SLC24A3: variants seen among roughly 807,000 people sequenced by gnomAD.
The protein encoded by SLC24A3 is solute carrier family 24 member 3.
A neutral mutation model predicts 75.8 loss-of-function variants in SLC24A3; 28 were observed. That is an observed-to-expected ratio of 0.37 (90% CI 0.27 to 0.51). The LOEUF is 0.51. Among genes scored for constraint, SLC24A3 ranks in the 20% least tolerant of loss-of-function variants. The pLI is 0.94. For synonymous variants in SLC24A3, 372 were observed against 334.1 expected (o/e 1.11, Z -1.24); for missense variants, 663 against 847.8 (o/e 0.78, Z 2.71).
At chr20:19,620,901 T>G (rs1228329451) in intron 6 of SLC24A3, among the ~76,000 whole-genome samples, 2 of 152,198 alleles carry the variant, frequency 1.3e-5, no homozygotes, top group Non-Finnish European at 2.9e-5. Flanking sequence ...CCCAGACATT[T>G]TTCAAGGGAC....
intron 1 of SLC24A3, among the ~76,000 whole-genome samples, chr20:19,268,452 A>G (rs769124828): frequency 5.3e-5 from 8 of 152,212 alleles, no homozygotes; most frequent in Non-Finnish European, 1.0e-4. Flanking sequence ...TTATTCTACC[A>G]TAGATTTAAT....
At chr20:19,460,446 CTCA>C (rs386813100) in intron 2 of SLC24A3, among the ~76,000 whole-genome samples, 1 of 151,568 alleles carries the variant, frequency 6.6e-6, no homozygotes, top group East Asian at 1.9e-4. Flanking sequence ...GCAGGATTCT[CTCA>C]CAGCTGAGTC....
intron 2 of SLC24A3, among the ~76,000 whole-genome samples, chr20:19,381,741 C>A (rs1019072490): frequency 1.3e-5 from 2 of 152,194 alleles, no homozygotes; most frequent in South Asian, 4.1e-4. Context: ...GTTAGGTGAG[C>A]AGCTATTTAT....
chr20:19,386,684 T>C (rs1269405900), intron 2 of SLC24A3, among the ~76,000 whole-genome samples: 1 of 152,196 alleles, frequency 6.6e-6, no homozygotes, highest in African/African-American at 2.4e-5. Context: ...GTGGTTTTTA[T>C]TTTTCATTCT....
intron 6 of SLC24A3, among the ~76,000 whole-genome samples, chr20:19,614,763 T>C (rs563531773): frequency 1.3e-5 from 2 of 152,358 alleles, no homozygotes; most frequent in South Asian, 2.1e-4. Context: ...GCTGTGACTT[T>C]GCCTCTTTTC....
chr20:19,429,475 C>T (rs925306229), intron 2 of SLC24A3, among the ~76,000 whole-genome samples: 3 of 152,316 alleles, frequency 2.0e-5, no homozygotes, highest in South Asian at 2.1e-4. Flanking sequence ...AGGTAATACA[C>T]GCACTATCTC....
At chr20:19,342,473 A>G (rs146736147) in intron 2 of SLC24A3, among the ~76,000 whole-genome samples, 12 of 152,346 alleles carry the variant, frequency 7.9e-5, no homozygotes, top group African/African-American at 2.2e-4. Context: ...TTAAGATCAT[A>G]TTCAATTATA....
intron 2 of SLC24A3, among the ~76,000 whole-genome samples, chr20:19,498,810 G>T (rs898143802): frequency 6.6e-6 from 1 of 152,168 alleles, no homozygotes; most frequent in Non-Finnish European, 1.5e-5. Context: ...TTAAATCTTT[G>T]TAACTGCCAT....
In SLC24A3 at chr20:19,460,435, G is replaced by A. The variant is rs570640390; in HGVS notation, c.272-55053G>A. 4.9e-4 allele frequency among the ~76,000 whole-genome samples: 56 copies of A among 115,124 alleles called. No homozygotes were observed. In the South Asian group the frequency reaches 0.016, roughly 33 times the overall value. 75.5% of individuals were successfully genotyped at this position (115,124 alleles called of 152,430 possible). On this transcript the variant is annotated intron_variant, in intron 2 of 16. Coordinates refer to ENST00000328041, the MANE Select transcript of SLC24A3 (RefSeq NM_020689.4). ...GACCCCCACAGCCTAACCAGATGTG[G>A]GCAGGATTCTCTCACAGCTGAGTCC...
intron 1 of SLC24A3, among the ~76,000 whole-genome samples, chr20:19,255,717 G>T (rs1040737159): frequency 6.6e-6 from 1 of 152,204 alleles, no homozygotes; most frequent in Non-Finnish European, 1.5e-5. Flanking sequence ...TTGCAATGTC[G>T]CTTGCTAGAT....
chr20:19,247,100 G>T (rs1982514809), intron 1 of SLC24A3, among the ~76,000 whole-genome samples: 1 of 152,064 alleles, frequency 6.6e-6, no homozygotes, highest in Non-Finnish European at 1.5e-5. Flanking sequence ...AAATAAAAAA[G>T]AATATAAATT....
intron 3 of SLC24A3, among the ~76,000 whole-genome samples, chr20:19,516,518 C>T (rs116070457): frequency 0.017 from 2,624 of 152,318 alleles, 80 homozygotes; most frequent in African/African-American, 0.06. Context: ...TGCTGCTCCA[C>T]GGAATCCAGG....
chr20:19,492,433 A>C (rs1488636931), intron 2 of SLC24A3, among the ~76,000 whole-genome samples: 1 of 152,228 alleles, frequency 6.6e-6, no homozygotes, highest in Non-Finnish European at 1.5e-5. Flanking sequence ...GAGACAACGC[A>C]TCTGTAGCCT....
At chr20:19,288,646 G>T (rs1983868333) in intron 2 of SLC24A3, among the ~76,000 whole-genome samples, 1 of 152,214 alleles carries the variant, frequency 6.6e-6, no homozygotes, top group Admixed American at 6.5e-5. Context: ...ACGGTATGAT[G>T]ATGCCCAGTT....
intron 2 of SLC24A3, among the ~76,000 whole-genome samples, chr20:19,489,167 GAA>G (rs1988170439): frequency 6.6e-6 from 1 of 152,182 alleles, no homozygotes; most frequent in African/African-American, 2.4e-5. Context: ...TTTCTCAAGA[GAA>G]AAGGGTTTTG....
chr20:19,263,434 T>TA (rs1183672325), intron 1 of SLC24A3, among the ~76,000 whole-genome samples: 1 of 151,882 alleles, frequency 6.6e-6, no homozygotes, highest in Non-Finnish European at 1.5e-5. Context: ...GTCTGAAAAA[T>TA]AAAAAAAGCC....
rs8124532 is a variant in SLC24A3 at position 19,442,641 on chromosome 20, C to A, written c.272-72847C>A. The stretch of plus-strand genomic sequence containing the variant: ...AATATCTGTTTTGCAAATATATTCA[C>A]CCAGTCTGTGGCTTGTCTTTTCACT... On this transcript the variant is annotated intron_variant, in intron 2 of 16. Coordinates refer to ENST00000328041, the MANE Select transcript of SLC24A3 (RefSeq NM_020689.4). 4.4e-3 allele frequency among the ~76,000 whole-genome samples: 674 copies of A among 152,274 alleles called. 8 individuals carry two copies. The highest frequency in any genetic ancestry group is 0.016 in the African/African-American group (646 of 41,562).
At chr20:19,516,059 C>G (rs77373072) in intron 3 of SLC24A3, among the ~76,000 whole-genome samples, 1 of 152,192 alleles carries the variant, frequency 6.6e-6, no homozygotes, top group African/African-American at 2.4e-5. Context: ...CCTTTCTTGG[C>G]ATGTGGTAGG....
chr20:19,706,836 G>C (rs1370650008), intron 15 of SLC24A3, among the ~76,000 whole-genome samples: 2 of 152,182 alleles, frequency 1.3e-5, no homozygotes, highest in Non-Finnish European at 2.9e-5. Flanking sequence ...AGGAGAGAGA[G>C]AATAGGGTGA....
Sources: allele counts gnomAD v4.1 joint callset (sites outside exome capture counted in the v4.1 genomes callset), GRCh38; gene constraint gnomAD v4.1.1; transcripts MANE v1.5; gene names NCBI Gene and HGNC (gene_info 2026-07-23, HGNC 2026-07-21).